The following LAMA5 variants were observed in gnomAD, a reference collection of about 807,000 sequenced individuals.
LAMA5 encodes the protein laminin subunit alpha-5.
LAMA5 carries 260 observed loss-of-function variants against 433.4 expected under a neutral mutation model. The observed-to-expected ratio is 0.60, with a 90% CI of 0.54 to 0.66. The LOEUF (loss-of-function observed/expected upper bound fraction) is 0.66. LAMA5 is among the 30% of genes least tolerant of loss of function. LAMA5 has a pLI of 0.00. For synonymous variants in LAMA5, 2,620 were observed against 2,226.6 expected, an observed-to-expected ratio of 1.18 and a Z score of -4.97; for missense variants, 5,378 against 5,258.5, an observed-to-expected ratio of 1.02 and a Z score of -0.70.
chr20:62,338,500 C>T lies in LAMA5; in HGVS notation c.1586G>A (p.Cys529Tyr). 6.2e-7 allele frequency: 1 copy of T among 1,609,474 alleles called. No individual in the cohort carries two copies. Among genetic ancestry groups the T allele is most frequent in the Non-Finnish European group, 8.5e-7 (1 of 1,178,830 alleles). Residue 529 changes from cysteine to tyrosine, a missense_variant, in exon 12 of 80, where the codon TGC (cysteine) becomes TAC (tyrosine). Transcript: ENST00000252999. ...PNFQGTHCELCAPGFYGPGCQ... is the reference protein window; with the variant it reads ...PNFQGTHCELYAPGFYGPGCQ... ...GCCGGGGCCGTAGAACCCTGGCGCG[C>T]AGAGCTCACAATGGGTGCCTTGGAA...
At chr20:62,366,625 C>T (rs1400074230) in intron 1 of LAMA5, among the ~76,000 whole-genome samples, 1 of 152,228 alleles carries the variant, frequency 6.6e-6, no homozygotes, top group Non-Finnish European at 1.5e-5. Flanking sequence ...CAAGTCCCGC[C>T]CTCCCCGGGA....
In LAMA5 at chr20:62,318,370, G is replaced by A. The variant is rs1167288736; in HGVS notation, c.7239+84C>T. Reference sequence around the variant, plus strand: ...GGAGGGAGGGGAGGACGAGGGGAGGGGAGGGGAGGAGCCGGAGAGGAGAGG... The same window carrying A: ...GGAGGGAGGGGAGGACGAGGGGAGGAGAGGGGAGGAGCCGGAGAGGAGAGG... On this transcript the variant is annotated intron_variant, in intron 53 of 79. Transcript: ENST00000252999. The A allele has an allele frequency of 6.2e-5, 59 of 946,544 alleles. 1 individual carries two copies. Among genetic ancestry groups the A allele is most frequent in the Non-Finnish European group, 8.8e-5 (55 of 622,268 alleles). The allele number at this position is 946,544 out of a possible 1,614,324, so 58.6% of individuals were successfully genotyped here.
chr20:62,342,595 C>T (rs1279684146), intron 11 of LAMA5, among the ~76,000 whole-genome samples: 2 of 151,988 alleles, frequency 1.3e-5, no homozygotes, highest in Admixed American at 6.5e-5. Flanking sequence ...AGGAGAATGG[C>T]GTGAACCTGG....
At position 62,333,392 on chromosome 20, in the gene LAMA5, G is replaced by A. The variant is rs1217793425; in HGVS notation, c.3111C>T (p.Ala1037=). The change falls in exon 25 of 80, where the codon GCC becomes GCT. Residue 1037 remains alanine, a synonymous_variant. Transcript: ENST00000252999. ...VTEACTYRPS[A]QQSGDNCLLY... ...GCCCTCACTTGTCGCCAGACTGCTG[G>A]GCAGAGGGACGGTATGTGCAGGCCT... The A allele has an allele frequency of 1.9e-6, 3 of 1,612,718 alleles. No individual in the cohort carries two copies. Among genetic ancestry groups the A allele is most frequent in the Non-Finnish European group, 2.5e-6 (3 of 1,179,888 alleles).
Position 62,333,258 on chromosome 20 carries a change from G to A in LAMA5, c.3129-15C>T, listed in dbSNP as rs1307962401. On this transcript the variant is annotated splice_polypyrimidine_tract_variant and intron_variant, in intron 25 of 79. Transcript: ENST00000252999. ...AGAGGAGGCAGCTGGGGGGACACAG[G>A]CCGTGGTCAGCCCCAGGTCCACCCA... The A allele has an allele frequency of 6.4e-7, 1 of 1,559,286 alleles. No homozygotes were observed. Among genetic ancestry groups the A allele is most frequent in the African/African-American group, 1.4e-5 (1 of 73,718 alleles).
intron 23 of LAMA5, 76 bp downstream of exon 23, chr20:62,333,824 GC>G: frequency 1.4e-6 from 2 of 1,428,858 alleles, no homozygotes; most frequent in South Asian, 1.3e-5. Context: ...GAGGAAGGTG[GC>G]GGGGCTTGGG....
Position 62,313,233 on chromosome 20 carries a change from T to A in LAMA5, c.8810A>T (p.Asp2937Val), listed in dbSNP as rs1225323471. The A allele has an allele frequency of 7.9e-7, 1 of 1,269,556 alleles. No individual in the cohort carries two copies. Among genetic ancestry groups the A allele is most frequent in the Non-Finnish European group, 1.0e-6 (1 of 986,558 alleles). 78.6% of individuals were successfully genotyped at this position (1,269,556 alleles called of 1,614,324 possible). ...GTAGGAGCCGTCCGTGAGCCACGGG[T>A]CCCCGGTCGACTTGGAGCTGCAGGT... Reference protein sequence around the residue: ...RPCARSKSTGDPWLTDGSYLD... With the variant: ...RPCARSKSTGVPWLTDGSYLD... Residue 2937 changes from aspartate to valine, a missense_variant, in exon 65 of 80, where the codon GAC becomes GTC. Transcript: ENST00000252999.
In LAMA5 at chr20:62,327,565, C is replaced by T. The variant is rs151147015; in HGVS notation, c.4902G>A (p.Thr1634=). ...GCTRCFCFGA[T]ERCRSSSYTR... is the part of the protein sequence containing the mutation. The stretch of plus-strand genomic sequence containing the variant: ...TGTAGGACGAGCTCCGGCAGCGCTC[C>T]GTGGCCCCAAAGCAGAAGCAGCGGG... Residue 1634 remains threonine (T), a synonymous_variant, in exon 37 of 80, where the codon ACG becomes ACA. Coordinates refer to ENST00000252999, the MANE Select transcript of LAMA5 (RefSeq NM_005560.6). 1.9e-5 allele frequency: 31 copies of T among 1,612,882 alleles called. No individual in the cohort carries two copies. The highest frequency in any genetic ancestry group is 1.6e-4 in the African/African-American group (12 of 75,042).
chr20:62,309,631 T>TGGGGGGGGGGGTG, intron 79 of LAMA5, 85 bp downstream of exon 79: 1 of 394,872 alleles, frequency 2.5e-6, no homozygotes, highest in South Asian at 3.1e-5. Flanking sequence ...GGGCAGGGGG[T>TGGGGGGGGGGGTG]GGAGGGGTGG....
At chr20:62,330,029 C>G in intron 31 of LAMA5, 113 bp from the exon 32 acceptor site, 1 of 1,428,354 alleles carries the variant, frequency 7.0e-7, no homozygotes, top group Non-Finnish European at 9.3e-7. Context: ...TGGCCAACGG[C>G]CACAGGCACG....
At chr20:62,364,651 C>T (rs766812767) in intron 1 of LAMA5, among the ~76,000 whole-genome samples, 11 of 152,206 alleles carry the variant, frequency 7.2e-5, no homozygotes, top group African/African-American at 1.4e-4. Context: ...GGCCTGGCTG[C>T]CCAGTCCCCA....
intron 46 of LAMA5, 21 bp downstream of exon 46, chr20:62,322,637 C>CCCCCCCT: frequency 6.8e-7 from 1 of 1,464,784 alleles, no homozygotes; most frequent in Non-Finnish European, 9.3e-7. Context: ...CCACCCAGCC[C>CCCCCCCT]TGCTTACCCC....
chr20:62,358,667 C>T (rs185492176), intron 2 of LAMA5, among the ~76,000 whole-genome samples: 6 of 152,252 alleles, frequency 3.9e-5, no homozygotes, highest in African/African-American at 9.6e-5. Context: ...GGAACCAGCC[C>T]GGGAACCCAG....
intron 46 of LAMA5, 62 bp downstream of exon 46, chr20:62,322,596 C>T (rs1001088975): frequency 1.9e-5 from 27 of 1,448,126 alleles, no homozygotes; most frequent in Admixed American, 8.3e-5. Context: ...CAGATTCTCC[C>T]CAGGCCCCAA....
Position 62,311,401 on chromosome 20 carries a change from C to T in LAMA5, c.9942G>A (p.Lys3314=). 6.4e-7 allele frequency: 1 copy of T among 1,558,434 alleles called. No homozygotes were observed. Among genetic ancestry groups the T allele is most frequent in the Non-Finnish European group, 8.7e-7 (1 of 1,150,080 alleles). Residue 3314 remains lysine (K), a splice_region_variant and synonymous_variant, in exon 72 of 80, where the codon AAG becomes AAA. Coordinates refer to ENST00000252999, the MANE Select transcript of LAMA5 (RefSeq NM_005560.6). ...GCCTGCTCACCCCTGGGGTGCCCAC[C>T]TTCCGGGCGGTGGCCTGCAGTCCTC... The part of the protein sequence containing the change: ...GPRGLQATAR[K]ASRRSRQPAR...
intron 3 of LAMA5, 78 bp from the exon 4 acceptor site, chr20:62,352,438 G>T: frequency 9.2e-7 from 1 of 1,092,376 alleles, no homozygotes; most frequent in Non-Finnish European, 1.3e-6. Context: ...GCCCCTTGAC[G>T]TCTCCGGGCC....
chr20:62,316,543 C>T (rs962220315), intron 57 of LAMA5, 128 bp downstream of exon 57: 2 of 682,536 alleles, frequency 2.9e-6, no homozygotes, highest in African/African-American at 3.6e-5. Context: ...ATCTCCAAAG[C>T]TCTCCCACCC....
chr20:62,337,702 G>T lies in LAMA5; in HGVS notation c.2052C>A (p.Ser684=). The stretch of plus-strand genomic sequence containing the variant: ...TCCGGGGGTCACAGGCTGCGTGCAG[G>T]GAGCCTTCAGCAGAGCAGTGGCAGG... ...CVPCHCSAEG[S]LHAACDPRSG... Residue 684 remains serine (S), a synonymous_variant, in exon 16 of 80, where the codon TCC becomes TCA. Coordinates refer to ENST00000252999, the MANE Select transcript of LAMA5 (RefSeq NM_005560.6). 6.2e-7 allele frequency: 1 copy of T among 1,611,262 alleles called. No homozygotes were observed. Among genetic ancestry groups the T allele is most frequent in the Non-Finnish European group, 8.5e-7 (1 of 1,179,074 alleles).
rs1986296789 is a variant in LAMA5, at chr20:62,311,748, C to T, written c.9672G>A (p.Met3224Ile). Residue 3224 changes from methionine (M) to isoleucine (I), a missense_variant, in exon 71 of 80, where the codon ATG becomes ATA. By Grantham distance (10) the Met-to-Ile change is conservative. Coordinates refer to ENST00000252999, the MANE Select transcript of LAMA5 (RefSeq NM_005560.6). ...CGGGGGGTGGTCCCCGGTGGGGCTT[C>T]ATCTGCTGGAGCTGGTCATCGACAT... ...WLYVDDQLQQ[M>I]KPHRGPPPEL... The T allele has an allele frequency of 1.3e-6, 2 of 1,561,096 alleles. No individual in the cohort carries two copies. Among genetic ancestry groups the T allele is most frequent in the Non-Finnish European group, 1.7e-6 (2 of 1,154,290 alleles).
Sources: allele counts gnomAD v4.1 joint callset (sites outside exome capture counted in the v4.1 genomes callset), GRCh38; gene constraint gnomAD v4.1.1; transcripts MANE v1.5; gene names NCBI Gene and HGNC (gene_info 2026-07-23, HGNC 2026-07-21).